The following MMS22L variants were observed in gnomAD, a reference collection of about 807,000 sequenced individuals.
The protein encoded by MMS22L is protein MMS22-like.
A neutral mutation model predicts 159.1 loss-of-function variants in MMS22L; 74 were observed. The observed-to-expected ratio is 0.47, with a 90% CI of 0.39 to 0.56. The LOEUF (loss-of-function observed/expected upper bound fraction) is 0.56, where lower values mean the gene tolerates loss of function less well. MMS22L is among the 20% of genes least tolerant of loss of function. The pLI is 0.00. For missense variants in MMS22L, 1,351 were observed against 1,422.1 expected (o/e 0.95, Z 0.80); for synonymous variants, 517 against 506.9 (o/e 1.02, Z -0.27).
At chr6:97,276,670 G>A (rs1484371213) in intron 4 of MMS22L, among the ~76,000 whole-genome samples, 1 of 152,098 alleles carries the variant, frequency 6.6e-6, no homozygotes, top group East Asian at 1.9e-4. Flanking sequence ...TGTTTATACA[G>A]TTTTATTTTT....
At chr6:97,246,873 A>T (rs1812701930) in intron 10 of MMS22L, among the ~76,000 whole-genome samples, 183 bp from the exon 11 acceptor site, 1 of 152,178 alleles carries the variant, frequency 6.6e-6, no homozygotes, top group African/African-American at 2.4e-5. Flanking sequence ...AAAAATGTAC[A>T]ACTATTCCAA....
intron 11 of MMS22L, among the ~76,000 whole-genome samples, chr6:97,245,695 T>G (rs925280921): frequency 1.3e-5 from 2 of 152,162 alleles, no homozygotes; most frequent in African/African-American, 4.8e-5. Flanking sequence ...GCAGAATTCT[T>G]TGGCATTCTA....
chr6:97,267,280 G>A (rs915508989), intron 8 of MMS22L: 7 of 151,884 alleles, frequency 4.6e-5, no homozygotes, highest in Non-Finnish European at 8.8e-5. Flanking sequence ...CAGTCTTTAC[G>A]CTTGTAATCT....
intron 14 of MMS22L, among the ~76,000 whole-genome samples, chr6:97,219,801 G>A (rs1056961437): frequency 2.0e-5 from 3 of 152,162 alleles, no homozygotes; most frequent in Admixed American, 2.0e-4. Context: ...AACTTGCTGT[G>A]TGCATAAGTC....
chr6:97,146,950 A>T, intron 24 of MMS22L, 63 bp from the exon 25 acceptor site: 1 of 1,182,728 alleles, frequency 8.5e-7, no homozygotes, highest in South Asian at 1.4e-5. Flanking sequence ...TCATTTCAGT[A>T]TTTACAAATT....
At chr6:97,219,112 C>G (rs888937759) in intron 14 of MMS22L, among the ~76,000 whole-genome samples, 40 of 152,104 alleles carry the variant, frequency 2.6e-4, no homozygotes, top group Admixed American at 3.3e-4. Context: ...GATTATAGGT[C>G]TCTCCCTCGA....
intron 8 of MMS22L, chr6:97,267,655 AAAAAG>A (rs1465363479): frequency 3.3e-6 from 1 of 305,770 alleles, no homozygotes; most frequent in Non-Finnish European, 5.8e-6. Context: ...AAAAAAAAAA[AAAAAG>A]AAAAAAAGAA....
At chr6:97,250,617 A>G (rs1355788726) in intron 10 of MMS22L, among the ~76,000 whole-genome samples, 2 of 152,168 alleles carry the variant, frequency 1.3e-5, no homozygotes, top group Non-Finnish European at 2.9e-5. Context: ...CTCTAATATA[A>G]AAAGTGAGAT....
chr6:97,272,569 T>TG (rs1815855881), intron 6 of MMS22L, 135 bp downstream of exon 6: 6 of 711,454 alleles, frequency 8.4e-6, no homozygotes, highest in African/African-American at 5.4e-5. Flanking sequence ...AAAAGGAGGA[T>TG]GGGGGGCAAG....
At chr6:97,241,936 T>G (rs1034250692) in intron 11 of MMS22L, among the ~76,000 whole-genome samples, 1 of 152,260 alleles carries the variant, frequency 6.6e-6, no homozygotes, top group African/African-American at 2.4e-5. Context: ...TTGGAATTCA[T>G]TTCCAATTTT....
intron 6 of MMS22L, chr6:97,270,299 A>C (rs1183016053): frequency 2.0e-6 from 1 of 505,068 alleles, no homozygotes; most frequent in Admixed American, 2.3e-5. Flanking sequence ...AGGCAGTAAA[A>C]GAATTTTTTA....
intron 14 of MMS22L, among the ~76,000 whole-genome samples, chr6:97,217,083 A>G (rs1809094425): frequency 6.6e-6 from 1 of 152,128 alleles, no homozygotes; most frequent in Admixed American, 6.5e-5. Flanking sequence ...AATTATGAGA[A>G]GACAATTTTC....
At chr6:97,192,815 C>T (rs1428226877) in intron 14 of MMS22L, among the ~76,000 whole-genome samples, 2 of 152,132 alleles carry the variant, frequency 1.3e-5, no homozygotes, top group African/African-American at 4.8e-5. Context: ...AAGTGTTTGA[C>T]CTTTTATAAC....
intron 14 of MMS22L, among the ~76,000 whole-genome samples, chr6:97,196,139 T>C (rs993399866): frequency 2.0e-5 from 3 of 152,158 alleles, no homozygotes; most frequent in Admixed American, 1.3e-4. Context: ...AACACGTCAA[T>C]GTCTGTTAAT....
In MMS22L at chr6:97,156,822, T is replaced by C. The variant is rs188642328; in HGVS notation, c.3386-4955A>G. ...ATGCACACTTTTTTTTGGTTCCATA[T>C]GAAATTTAAAATAGTTTTTTTTCCA... On this transcript the variant is annotated intron_variant, in intron 22 of 24. Coordinates refer to ENST00000683635, the MANE Select transcript of MMS22L (RefSeq NM_001350599.2). Among the ~76,000 whole-genome samples, 28 of 152,306 alleles carry C rather than the reference T, an allele frequency of 1.8e-4. No individual in the cohort carries two copies. The East Asian group carries it at 3.7e-3, about 20-fold the overall frequency.
At chr6:97,195,189 TC>T (rs909876227) in intron 14 of MMS22L, among the ~76,000 whole-genome samples, 1 of 152,098 alleles carries the variant, frequency 6.6e-6, no homozygotes, top group African/African-American at 2.4e-5. Flanking sequence ...GGAAGAATAT[TC>T]CAGTGAGAAG....
chr6:97,270,359 T>A, intron 6 of MMS22L: 1 of 451,790 alleles, frequency 2.2e-6, no homozygotes, highest in Non-Finnish European at 4.4e-6. Flanking sequence ...AAATTTTTTT[T>A]AATGTATGAG....
At chr6:97,167,434 G>C (rs931904219) in intron 20 of MMS22L, among the ~76,000 whole-genome samples, 41 of 152,082 alleles carry the variant, frequency 2.7e-4, no homozygotes, top group Admixed American at 2.4e-3. Context: ...TTATTACAAG[G>C]AACTAGTTAC....
intron 23 of MMS22L, 109 bp downstream of exon 23, chr6:97,151,662 A>G (rs1801328602): frequency 2.4e-6 from 2 of 817,698 alleles, no homozygotes; most frequent in Admixed American, 4.1e-5. Context: ...GAAATACTAT[A>G]AACAAGTAGT....
Sources: gnomAD v4.1 joint callset for allele counts (sites outside exome capture counted in the v4.1 genomes callset) on GRCh38, gnomAD v4.1.1 for gene constraint, MANE v1.5 for transcripts, NCBI Gene and HGNC (gene_info 2026-07-23, HGNC 2026-07-21) for gene names.